Variants in TENM3 observed in about 807,000 individuals in gnomAD.
TENM3 encodes the protein teneurin transmembrane protein 3, also known as teneurin-3.
Under a neutral mutation model 255.1 loss-of-function variants are expected in TENM3, and 63 were observed. That is an observed-to-expected ratio of 0.25 (90% CI 0.20 to 0.30). The LOEUF is 0.30. TENM3 is among the 10% of genes least tolerant of loss of function. TENM3 has a pLI of 1.00. For missense variants in TENM3, 2,929 were observed against 3,461.1 expected, an observed-to-expected ratio of 0.85 and a Z score of 3.86; for synonymous variants, 1,306 against 1,322.3, an observed-to-expected ratio of 0.99 and a Z score of 0.27.
Position 182,799,888 on chromosome 4 carries a change from C to G in TENM3, c.7637C>G (p.Thr2546Arg). Residue 2546 changes from threonine (T) to arginine (R), a missense_variant, in exon 28 of 28, where the codon ACG (threonine) becomes AGG (arginine). By Grantham distance (71) the Thr-to-Arg change is moderately conservative. Transcript: ENST00000511685. This position sits in a 1 kb window ranked among gnomAD's most constrained non-coding sequence, Gnocchi z 4.2. ...NLHFTIEGKD[T>R]HYFIKTTTPE... is the part of the protein sequence containing the mutation. ...CACTTCACCATCGAGGGCAAGGACA[C>G]GCACTACTTCATCAAGACCACCACG... is the stretch of plus-strand genomic sequence containing the variant. 1 of 1,610,006 alleles carries G rather than the reference C, an allele frequency of 6.2e-7. No homozygotes were observed. Among genetic ancestry groups the G allele is most frequent in the Non-Finnish European group, 8.5e-7 (1 of 1,178,392 alleles).
chr4:181,704,803 C>T, the TENM3 span, among the ~76,000 whole-genome samples: 3 of 152,062 alleles, frequency 2.0e-5, no homozygotes, highest in East Asian at 1.9e-4. Flanking sequence ...GGGGCCGAGG[C>T]GGGCAGATCC....
the TENM3 span, among the ~76,000 whole-genome samples, chr4:182,027,252 A>G: frequency 8.5e-5 from 13 of 152,212 alleles, no homozygotes; most frequent in African/African-American, 3.1e-4. Flanking sequence ...AAATGGGATT[A>G]CTTTTTTGAT....
chr4:181,926,447 G>C, the TENM3 span, among the ~76,000 whole-genome samples: 1 of 152,144 alleles, frequency 6.6e-6, no homozygotes. Context: ...AGAACCTTGT[G>C]ACATTTCTGT....
At chr4:181,534,721 G>A in the TENM3 span, among the ~76,000 whole-genome samples, 10 of 152,148 alleles carry the variant, frequency 6.6e-5, no homozygotes, top group South Asian at 6.2e-4. Flanking sequence ...CAGAAACCCC[G>A]CTGGAGTCAG....
chr4:181,683,205 A>G, the TENM3 span, among the ~76,000 whole-genome samples: 1 of 152,078 alleles, frequency 6.6e-6, no homozygotes. Context: ...GTAGAGGACT[A>G]TTATCAATTA....
chr4:181,487,300 C>A, the TENM3 span, among the ~76,000 whole-genome samples: 9 of 152,204 alleles, frequency 5.9e-5, no homozygotes, highest in East Asian at 1.5e-3. Context: ...AATGCCGGCA[C>A]GCCTATGAGT....
intron 1 of TENM3, among the ~76,000 whole-genome samples, chr4:182,186,066 A>G (rs1753129971): frequency 6.6e-6 from 1 of 152,188 alleles, no homozygotes. Flanking sequence ...CTGAAATGGG[A>G]AAATTACACA....
At chr4:182,216,873 A>G (rs1019729515) in intron 1 of TENM3, among the ~76,000 whole-genome samples, 3 of 152,184 alleles carry the variant, frequency 2.0e-5, no homozygotes, top group Non-Finnish European at 2.9e-5. Context: ...GCAGACTTGC[A>G]TTCTATTAAA....
At chr4:182,489,678 C>A (rs1324975826) in intron 3 of TENM3, among the ~76,000 whole-genome samples, 1 of 152,118 alleles carries the variant, frequency 6.6e-6, no homozygotes, top group Non-Finnish European at 1.5e-5. Flanking sequence ...ATCCAAAATT[C>A]TTTTGCAGTA....
the TENM3 span, among the ~76,000 whole-genome samples, chr4:181,591,561 T>C: frequency 6.6e-6 from 1 of 152,200 alleles, no homozygotes; most frequent in Non-Finnish European, 1.5e-5. Context: ...TATGGACTGG[T>C]ACCACACAGC....
the TENM3 span, among the ~76,000 whole-genome samples, chr4:181,764,453 C>T: frequency 1.3e-4 from 20 of 152,236 alleles, no homozygotes; most frequent in South Asian, 4.2e-4. Context: ...CAACAACCAA[C>T]GAAAGACCGT....
At chr4:182,022,282 A>T in the TENM3 span, among the ~76,000 whole-genome samples, 1 of 152,236 alleles carries the variant, frequency 6.6e-6, no homozygotes, top group Non-Finnish European at 1.5e-5. Flanking sequence ...CATTATTCTA[A>T]GTGGACTAAT....
the TENM3 span, among the ~76,000 whole-genome samples, chr4:181,475,145 A>C: frequency 6.6e-6 from 1 of 152,184 alleles, no homozygotes; most frequent in East Asian, 1.9e-4. Flanking sequence ...GCATCCGCTT[A>C]TCTCTGAATA....
chr4:182,177,616 T>TA (rs201985098), intron 1 of TENM3, among the ~76,000 whole-genome samples: 311 of 111,262 alleles, frequency 2.8e-3, no homozygotes, highest in East Asian at 0.012. Flanking sequence ...ATATATATAT[T>TA]TTTTTTTTTT....
At chr4:182,771,833 T>G (rs1479565659) in intron 22 of TENM3, among the ~76,000 whole-genome samples, 2 of 152,212 alleles carry the variant, frequency 1.3e-5, no homozygotes, top group African/African-American at 4.8e-5. Flanking sequence ...GGGGAGGACA[T>G]CTTCAGCTCT....
At chr4:182,553,856 C>G (rs1217543216) in intron 3 of TENM3, among the ~76,000 whole-genome samples, 2 of 152,156 alleles carry the variant, frequency 1.3e-5, no homozygotes, top group African/African-American at 4.8e-5. Flanking sequence ...CCTTTCACTT[C>G]AGGTGCCAAA....
the TENM3 span, among the ~76,000 whole-genome samples, chr4:181,950,571 C>T: frequency 7.0e-4 from 107 of 152,276 alleles, no homozygotes; most frequent in African/African-American, 2.4e-3. Flanking sequence ...GGTCTGGGTC[C>T]CTGCTGTTGG....
chr4:181,455,450 G>T, the TENM3 span, among the ~76,000 whole-genome samples: 4 of 152,012 alleles, frequency 2.6e-5, no homozygotes, highest in African/African-American at 9.7e-5. Context: ...TTTGACAAAG[G>T]TTTATAAAAC....
At chr4:181,854,740 A>T in the TENM3 span, among the ~76,000 whole-genome samples, 1 of 152,322 alleles carries the variant, frequency 6.6e-6, no homozygotes, top group Middle Eastern at 3.4e-3. Flanking sequence ...TGGTATTCTT[A>T]TGTAATATTT....
Sources: gnomAD v4.1 joint callset for allele counts (sites outside exome capture counted in the v4.1 genomes callset) on GRCh38, gnomAD v4.1.1 for gene constraint, Gnocchi (gnomAD v3.1) non-coding constraint, MANE v1.5 for transcripts, NCBI Gene and HGNC (gene_info 2026-07-23, HGNC 2026-07-21) for gene names.